Variants in RORB observed in about 807,000 individuals in gnomAD.
The protein encoded by RORB is RAR related orphan receptor B.
Under a neutral mutation model 59.1 loss-of-function variants are expected in RORB, and 6 were observed. The ratio of observed to expected loss-of-function variants is 0.10; its 90% CI spans 0.06 to 0.20. The LOEUF (loss-of-function observed/expected upper bound fraction) is 0.20. Ranked by LOEUF, RORB falls within the 10% of genes least tolerant of loss-of-function variation. RORB has a pLI of 1.00. For missense variants in RORB, 320 were observed against 560.5 expected (o/e 0.57, Z 4.33); for synonymous variants, 215 against 204.5 (o/e 1.05, Z -0.44).
rs191559629 is a variant in RORB at position 74,613,473 on chromosome 9, C to T, written c.8-16809C>T. On this transcript the variant is annotated intron_variant, in intron 1 of 9. Transcript: ENST00000376896. ...GTTAGGAATCTATGCCATATGTCTC[C>T]GGTGATTCTGAGGACCATTCCAAGG... Among the ~76,000 whole-genome samples the T allele has an allele frequency of 8.5e-5, 13 of 152,230 alleles. No individual in the cohort carries two copies. The East Asian group carries it at 2.1e-3, about 25-fold the overall frequency.
intron 1 of RORB, among the ~76,000 whole-genome samples, chr9:74,580,732 A>G (rs1822709905): frequency 6.6e-6 from 1 of 152,172 alleles, no homozygotes; most frequent in Non-Finnish European, 1.5e-5. Context: ...CAGCCCAAAC[A>G]GGTGATAAGA....
chr9:74,545,114 C>T (rs1385750660), intron 1 of RORB, among the ~76,000 whole-genome samples: 12 of 119,220 alleles, frequency 1.0e-4, no homozygotes, highest in South Asian at 2.8e-4. Context: ...TTTTTTTTTG[C>T]GGCGCTTATT....
In RORB at chr9:74,688,635, GACA is replaced by G. The variant is rs1243620032; in HGVS notation, c.*3022_*3024del. On this transcript the variant is annotated 3_prime_UTR_variant, in exon 10 of 10. Transcript: ENST00000376896. Reference sequence around the variant, plus strand: ...AGGAAAAAATTAAAAACAGGAAAATGACAACAAAATGTGAATGGTATAAATTAA... The same window carrying G: ...AGGAAAAAATTAAAAACAGGAAAATGACAAAATGTGAATGGTATAAATTAA... 6.6e-6 allele frequency: 1 copy of G among 151,320 alleles called. No homozygotes were observed. The highest frequency in any genetic ancestry group is 2.4e-5 in the African/African-American group (1 of 41,224). The allele number at this position is 151,320 out of a possible 1,614,324, so 9.4% of individuals were successfully genotyped here. A position where few individuals can be genotyped will look rare whatever the true frequency, so the allele number is the denominator to read the frequency against.
At chr9:74,663,586 C>T (rs1314077023) in intron 6 of RORB, among the ~76,000 whole-genome samples, 1 of 152,212 alleles carries the variant, frequency 6.6e-6, no homozygotes, top group Non-Finnish European at 1.5e-5. Context: ...ACTAAAACAA[C>T]AAGAATTATT....
intron 1 of RORB, among the ~76,000 whole-genome samples, chr9:74,535,519 C>A (rs1310763103): frequency 1.3e-5 from 2 of 151,900 alleles, no homozygotes; most frequent in East Asian, 3.9e-4. Flanking sequence ...CTTCTGTTTA[C>A]CCTAGTAAAA....
chr9:74,546,723 G>A (rs992471206), intron 1 of RORB, among the ~76,000 whole-genome samples: 12 of 152,164 alleles, frequency 7.9e-5, no homozygotes, highest in African/African-American at 2.9e-4. Flanking sequence ...GTCGTTTAAT[G>A]CATGTAATCA....
chr9:74,665,896 C>T (rs919859210), intron 7 of RORB, among the ~76,000 whole-genome samples: 4 of 152,218 alleles, frequency 2.6e-5, no homozygotes, highest in Non-Finnish European at 4.4e-5. Context: ...AATCCTAGAA[C>T]TTTGGGAGGC....
At chr9:74,679,619 T>C (rs1302533570) in intron 9 of RORB, among the ~76,000 whole-genome samples, 1 of 152,168 alleles carries the variant, frequency 6.6e-6, no homozygotes. Context: ...CAATTGTGAA[T>C]AACACATGGC....
chr9:74,597,446 T>C (rs1822984549), intron 1 of RORB, among the ~76,000 whole-genome samples: 1 of 152,198 alleles, frequency 6.6e-6, no homozygotes, highest in Admixed American at 6.5e-5. Flanking sequence ...AAATGAAATT[T>C]TTAACATTAT....
intron 1 of RORB, among the ~76,000 whole-genome samples, chr9:74,499,323 C>T (rs1256163749): frequency 1.3e-5 from 2 of 152,166 alleles, no homozygotes; most frequent in Non-Finnish European, 2.9e-5. Flanking sequence ...ACCCAGTCCC[C>T]CTACGCCCCT....
intron 1 of RORB, among the ~76,000 whole-genome samples, chr9:74,547,491 A>C (rs1826518616): frequency 1.3e-5 from 2 of 152,228 alleles, no homozygotes; most frequent in Admixed American, 1.3e-4. Flanking sequence ...CCAATTTGGG[A>C]AATTCTAATA....
intron 1 of RORB, among the ~76,000 whole-genome samples, chr9:74,524,636 T>A (rs1204742337): frequency 6.6e-6 from 1 of 151,962 alleles, no homozygotes; most frequent in African/African-American, 2.4e-5. Context: ...ATTTGCATAA[T>A]GTAAATACTT....
At chr9:74,625,336 C>G (rs1823492843) in intron 1 of RORB, among the ~76,000 whole-genome samples, 1 of 151,416 alleles carries the variant, frequency 6.6e-6, no homozygotes, top group Admixed American at 6.6e-5. Context: ...AAATCAGACC[C>G]AGCATGGTGG....
chr9:74,662,278 T>C (rs1029698516), intron 5 of RORB, among the ~76,000 whole-genome samples, 196 bp from the exon 6 acceptor site: 1 of 152,128 alleles, frequency 6.6e-6, no homozygotes, highest in African/African-American at 2.4e-5. Flanking sequence ...TTTTGGCCTA[T>C]TGAGGTCCAA....
At chr9:74,627,070 G>A (rs1166316133) in intron 1 of RORB, among the ~76,000 whole-genome samples, 1 of 151,584 alleles carries the variant, frequency 6.6e-6, no homozygotes. Context: ...GCTGAGGTGG[G>A]AGAATCGCTT....
intron 4 of RORB, among the ~76,000 whole-genome samples, chr9:74,649,345 C>T (rs1172873998): frequency 6.6e-6 from 1 of 152,176 alleles, no homozygotes; most frequent in Non-Finnish European, 1.5e-5. Context: ...TTAGCACCAC[C>T]TTGTTCTGTG....
chr9:74,611,384 C>A lies in RORB; in HGVS notation c.8-18898C>A, dbSNP rs144014892. Among the ~76,000 whole-genome samples, 1,215 of 152,292 alleles carry A rather than the reference C, an allele frequency of 8.0e-3. 10 individuals carry two copies. Among genetic ancestry groups the A allele is most frequent in the Non-Finnish European group, 0.013 (887 of 68,008 alleles). ...AATGAAGAGAAGATTTTTGTTTCAA[C>A]TTCCTTGTTCCTACACTTAGAACCA... On this transcript the variant is annotated intron_variant, in intron 1 of 9. Transcript: ENST00000376896.
At chr9:74,501,006 G>C (rs1208927522) in intron 1 of RORB, among the ~76,000 whole-genome samples, 1 of 152,114 alleles carries the variant, frequency 6.6e-6, no homozygotes, top group East Asian at 1.9e-4. Flanking sequence ...CCTTTAATTG[G>C]GCCCATCACT....
chr9:74,534,806 A>G (rs577459115), intron 1 of RORB, among the ~76,000 whole-genome samples: 1 of 152,148 alleles, frequency 6.6e-6, no homozygotes, highest in Admixed American at 6.6e-5. Context: ...CAGCTACTGT[A>G]CCCCAAAGTG....
Sources: gnomAD v4.1 joint callset for allele counts (sites outside exome capture counted in the v4.1 genomes callset) on GRCh38, gnomAD v4.1.1 for gene constraint, MANE v1.5 for transcripts, NCBI Gene and HGNC (gene_info 2026-07-23, HGNC 2026-07-21) for gene names.